The following CSMD1 variants were observed in gnomAD, a reference collection of about 807,000 sequenced individuals.
CSMD1 encodes CUB and sushi domain-containing protein 1.
CSMD1 carries 213 observed loss-of-function variants against 417.5 expected under a neutral mutation model. The observed-to-expected ratio is 0.51, with a 90% CI of 0.46 to 0.57. CSMD1 has a LOEUF of 0.57. Among genes scored for constraint, CSMD1 ranks in the 20% least tolerant of loss-of-function variants. The pLI is 0.00. For synonymous variants in CSMD1, 2,862 were observed against 1,736.8 expected, an observed-to-expected ratio of 1.65 and a Z score of -16.11; for missense variants, 6,923 against 4,529.7, an observed-to-expected ratio of 1.53 and a Z score of -15.17.
At chr8:3,049,921 A>G (rs1195764510) in intron 50 of CSMD1, among the ~76,000 whole-genome samples, 1 of 152,108 alleles carries the variant, frequency 6.6e-6, no homozygotes, top group Non-Finnish European at 1.5e-5. Flanking sequence ...CTGTGAACCT[A>G]AAACTACTCT....
intron 7 of CSMD1, among the ~76,000 whole-genome samples, chr8:3,635,793 C>CAAAAAAAAAA (rs752552617): frequency 3.0e-5 from 3 of 99,270 alleles, no homozygotes; most frequent in Non-Finnish European, 6.0e-5. Context: ...GCTTCCATCT[C>CAAAAAAAAAA]AAAAAAAAAA....
At chr8:3,455,198 T>C (rs904077057) in intron 12 of CSMD1, among the ~76,000 whole-genome samples, 2 of 152,204 alleles carry the variant, frequency 1.3e-5, no homozygotes, top group Admixed American at 6.5e-5. Context: ...TTGGTTATTC[T>C]AGTTAGCCAG....
In CSMD1 at chr8:3,406,104, G is replaced by A. The variant is rs1046613428; in HGVS notation, c.2189C>T (p.Thr730Ile). The A allele has an allele frequency of 1.2e-6, 2 of 1,613,934 alleles. No homozygotes were observed. The highest frequency in any genetic ancestry group is 2.2e-5 in the East Asian group (1 of 44,856). ...GCAGGTAATGGACTCGGATCCCTGG[G>A]TCTTGACAAAGCCATCATCACAGTG... ...SFHCDDGFVK[T>I]QGSESITCIL... Residue 730 changes from threonine (T) to isoleucine (I), a missense_variant, in exon 15 of 70, where the codon ACC (threonine) becomes ATC (isoleucine). By Grantham distance (89) the Thr-to-Ile change is moderately conservative. Coordinates refer to ENST00000635120, the MANE Select transcript of CSMD1 (RefSeq NM_033225.6).
intron 3 of CSMD1, among the ~76,000 whole-genome samples, chr8:4,032,311 G>C (rs557244157): frequency 6.6e-6 from 1 of 152,286 alleles, no homozygotes; most frequent in South Asian, 2.1e-4. Context: ...ATCATAAAGT[G>C]TAAATAAATG....
intron 24 of CSMD1, 36 bp downstream of exon 24, chr8:3,308,276 G>C (rs570048661): frequency 1.3e-6 from 2 of 1,550,322 alleles, no homozygotes; most frequent in Non-Finnish European, 8.8e-7. Context: ...CTAAGGCCTG[G>C]CTTTTGCACA....
chr8:4,018,243 G>T (rs1391896288), intron 4 of CSMD1, among the ~76,000 whole-genome samples: 3 of 151,942 alleles, frequency 2.0e-5, no homozygotes, highest in Admixed American at 6.6e-5. Flanking sequence ...GACTTTTTAT[G>T]ATTTAAACAT....
At chr8:4,196,935 G>A (rs539873896) in intron 3 of CSMD1, among the ~76,000 whole-genome samples, 1 of 152,136 alleles carries the variant, frequency 6.6e-6, no homozygotes, top group Non-Finnish European at 1.5e-5. Context: ...GTTAAAATTT[G>A]TTTGTTCTTT....
chr8:4,564,425 A>C (rs1798493810), intron 2 of CSMD1, among the ~76,000 whole-genome samples: 1 of 152,178 alleles, frequency 6.6e-6, no homozygotes, highest in South Asian at 2.1e-4. Context: ...GAAATTCAAG[A>C]TCAAGGTGCC....
intron 3 of CSMD1, among the ~76,000 whole-genome samples, chr8:4,347,393 C>T (rs1800834375): frequency 6.6e-6 from 1 of 152,102 alleles, no homozygotes; most frequent in Non-Finnish European, 1.5e-5. Context: ...ACATCTAAGA[C>T]ATTATCATTT....
chr8:4,701,272 T>G (rs954025040), intron 1 of CSMD1, among the ~76,000 whole-genome samples: 1 of 151,754 alleles, frequency 6.6e-6, no homozygotes, highest in Non-Finnish European at 1.5e-5. Flanking sequence ...ATACCAATGA[T>G]AAGTCAACTT....
At chr8:3,917,939 T>A (rs1047039482) in intron 5 of CSMD1, among the ~76,000 whole-genome samples, 3 of 152,186 alleles carry the variant, frequency 2.0e-5, no homozygotes, top group Admixed American at 6.5e-5. Flanking sequence ...ATTTAAAATC[T>A]AATTTTAAAT....
chr8:4,082,199 T>C (rs943557952), intron 3 of CSMD1, among the ~76,000 whole-genome samples: 50 of 152,154 alleles, frequency 3.3e-4, no homozygotes, highest in African/African-American at 1.2e-3. Flanking sequence ...TGTGAATAAA[T>C]TTTTCCCCAA....
At chr8:3,073,238 A>C (rs1029531778) in intron 49 of CSMD1, among the ~76,000 whole-genome samples, 1 of 152,232 alleles carries the variant, frequency 6.6e-6, no homozygotes, top group African/African-American at 2.4e-5. Flanking sequence ...ATAGGAAATC[A>C]TGCATGTAAA....
At chr8:3,455,211 G>C (rs1009067672) in intron 12 of CSMD1, among the ~76,000 whole-genome samples, 18 of 152,106 alleles carry the variant, frequency 1.2e-4, no homozygotes, top group African/African-American at 4.1e-4. Flanking sequence ...TTAGCCAGTC[G>C]TCTAATTTTT....
At chr8:3,320,619 G>C (rs985895416) in intron 23 of CSMD1, among the ~76,000 whole-genome samples, 3 of 152,182 alleles carry the variant, frequency 2.0e-5, no homozygotes, top group African/African-American at 7.2e-5. Flanking sequence ...CAATTCCAGA[G>C]AAGTGACAGC....
chr8:4,606,098 A>G (rs1309287303), intron 2 of CSMD1, among the ~76,000 whole-genome samples: 1 of 152,136 alleles, frequency 6.6e-6, no homozygotes, highest in Non-Finnish European at 1.5e-5. Context: ...CTCACGTTCA[A>G]AATTGATCGA....
intron 5 of CSMD1, among the ~76,000 whole-genome samples, chr8:3,895,464 C>G (rs1413604541): frequency 6.6e-6 from 1 of 151,722 alleles, no homozygotes; most frequent in Non-Finnish European, 1.5e-5. Flanking sequence ...TCTTAGCAGA[C>G]AAAAAAGAAA....
intron 1 of CSMD1, among the ~76,000 whole-genome samples, chr8:4,836,904 G>T (rs770857368): frequency 6.6e-6 from 1 of 152,116 alleles, no homozygotes. Flanking sequence ...TGAGGCTATG[G>T]TTGCTGCTGT....
chr8:3,441,634 G>T (rs1434321064), intron 12 of CSMD1, among the ~76,000 whole-genome samples: 1 of 151,932 alleles, frequency 6.6e-6, no homozygotes, highest in Admixed American at 6.6e-5. Flanking sequence ...TGACATAGTA[G>T]CCATTGATCA....
Sources: gnomAD v4.1 joint callset for allele counts (sites outside exome capture counted in the v4.1 genomes callset) on GRCh38, gnomAD v4.1.1 for gene constraint, MANE v1.5 for transcripts, NCBI Gene and HGNC (gene_info 2026-07-23, HGNC 2026-07-21) for gene names.